The following CAP2 variants were observed in gnomAD, a reference collection of about 807,000 sequenced individuals.
CAP2 encodes the protein adenylyl cyclase-associated protein 2.
A neutral mutation model predicts 57.7 loss-of-function variants in CAP2; 24 were observed. The observed-to-expected ratio is 0.42, with a 90% CI of 0.30 to 0.58. The LOEUF is 0.58. Ranked by LOEUF, CAP2 falls within the 20% of genes least tolerant of loss-of-function variation. The pLI is 0.22. For missense variants in CAP2, 501 were observed against 590.3 expected, an observed-to-expected ratio of 0.85 and a Z score of 1.57; for synonymous variants, 194 against 207.2, an observed-to-expected ratio of 0.94 and a Z score of 0.55.
At chr6:17,492,786 T>A (rs1761575777) in intron 4 of CAP2, among the ~76,000 whole-genome samples, 1 of 152,240 alleles carries the variant, frequency 6.6e-6, no homozygotes, top group South Asian at 2.1e-4. Context: ...CACTCCTTTT[T>A]TTCATAGTAC....
chr6:17,421,473 G>A, intron 1 of CAP2, 82 bp from the exon 2 acceptor site: 3 of 1,357,692 alleles, frequency 2.2e-6, no homozygotes, highest in Non-Finnish European at 2.1e-6. Flanking sequence ...CTTCCTCCTC[G>A]CTGTTGTTGA....
intron 1 of CAP2, among the ~76,000 whole-genome samples, chr6:17,421,311 T>A (rs1430099107): frequency 6.6e-6 from 1 of 152,032 alleles, no homozygotes; most frequent in Non-Finnish European, 1.5e-5. Context: ...GATGGGTGTA[T>A]CCAAACCTCA....
intron 3 of CAP2, among the ~76,000 whole-genome samples, chr6:17,454,735 G>A (rs776855663): frequency 6.6e-6 from 1 of 152,166 alleles, no homozygotes; most frequent in African/African-American, 2.4e-5. Flanking sequence ...TTGGCTTGAC[G>A]CAATTATATC....
At chr6:17,461,759 A>C (rs1002107108) in intron 3 of CAP2, among the ~76,000 whole-genome samples, 1 of 150,858 alleles carries the variant, frequency 6.6e-6, no homozygotes, top group Admixed American at 6.6e-5. Context: ...TTGGGAGGCC[A>C]AGGTGGGCGG....
chr6:17,544,693 C>T lies in CAP2; in HGVS notation c.1209+1550C>T, dbSNP rs146991094. On this transcript the variant is annotated intron_variant, in intron 11 of 12. Transcript: ENST00000229922. ...TCAGCCCCCTGAGTAGCTGGGATTA[C>T]AGGTGACCACCACCATGGCCCAGCT... 7.4e-3 allele frequency among the ~76,000 whole-genome samples: 1,129 copies of T among 152,264 alleles called. 15 individuals carry two copies. Among genetic ancestry groups the T allele is most frequent in the African/African-American group, 0.026 (1,066 of 41,556 alleles).
At chr6:17,406,956 C>A (rs1306212202) in intron 1 of CAP2, among the ~76,000 whole-genome samples, 9 of 152,120 alleles carry the variant, frequency 5.9e-5, no homozygotes, top group African/African-American at 1.4e-4. Context: ...GAGAAAAAAA[C>A]CAGCATTTTA....
Position 17,393,603 on chromosome 6 carries a change from C to T in CAP2, c.-145C>T, listed in dbSNP as rs994219017. ...CTCCGGAAGCTGCCGGCGACTCTCC[C>T]CTGGAGCAGCGTGACTGACACCGGC... On this transcript the variant is annotated 5_prime_UTR_variant, in exon 1 of 13. Transcript: ENST00000229922. The T allele has an allele frequency of 6.6e-6, 1 of 152,284 alleles. No homozygotes were observed. Among genetic ancestry groups the T allele is most frequent in the African/African-American group, 2.4e-5 (1 of 41,440 alleles). The allele number at this position is 152,284 out of a possible 1,614,324, so 9.4% of individuals were successfully genotyped here. A position where few individuals can be genotyped will look rare whatever the true frequency, so the allele number is the denominator to read the frequency against.
intron 7 of CAP2, among the ~76,000 whole-genome samples, chr6:17,527,276 G>A (rs1762533690): frequency 6.6e-6 from 1 of 152,046 alleles, no homozygotes; most frequent in South Asian, 2.1e-4. Flanking sequence ...GCTAATTCAA[G>A]CCACATGTCC....
intron 3 of CAP2, among the ~76,000 whole-genome samples, chr6:17,440,833 A>G (rs1432708837): frequency 1.3e-5 from 2 of 150,636 alleles, no homozygotes; most frequent in African/African-American, 4.9e-5. Context: ...CCCCCACCCC[A>G]TGACAGGCCC....
At chr6:17,477,406 G>A (rs915827675) in intron 4 of CAP2, among the ~76,000 whole-genome samples, 1 of 152,160 alleles carries the variant, frequency 6.6e-6, no homozygotes, top group African/African-American at 2.4e-5. Flanking sequence ...TTGACTATCT[G>A]TGTCCAGTGC....
intron 4 of CAP2, among the ~76,000 whole-genome samples, chr6:17,482,207 A>G (rs1025358786): frequency 6.6e-6 from 1 of 152,190 alleles, no homozygotes; most frequent in African/African-American, 2.4e-5. Context: ...ACAGAAGCCT[A>G]TTCTTTCATA....
intron 11 of CAP2, among the ~76,000 whole-genome samples, chr6:17,548,054 T>C (rs891161552): frequency 6.6e-6 from 1 of 151,924 alleles, no homozygotes; most frequent in Non-Finnish European, 1.5e-5. Flanking sequence ...CATTTCTTTC[T>C]ACCACAAATA....
chr6:17,471,211 C>A (rs1761009970), intron 4 of CAP2, among the ~76,000 whole-genome samples: 1 of 152,136 alleles, frequency 6.6e-6, no homozygotes. Flanking sequence ...TAAGTCCATG[C>A]CCAGAAAATG....
chr6:17,486,815 T>G (rs1328420839), intron 4 of CAP2, among the ~76,000 whole-genome samples: 1 of 152,230 alleles, frequency 6.6e-6, no homozygotes, highest in Middle Eastern at 3.2e-3. Flanking sequence ...TCCAGTAAGA[T>G]GTGCTGGAAC....
At chr6:17,520,456 C>T (rs1164294688) in intron 7 of CAP2, among the ~76,000 whole-genome samples, 1 of 152,048 alleles carries the variant, frequency 6.6e-6, no homozygotes, top group African/African-American at 2.4e-5. Context: ...AAAATCCATC[C>T]TATACACTAT....
Position 17,556,671 on chromosome 6 carries a change from C to A in CAP2, c.*229C>A. 1 of 495,832 alleles carries A rather than the reference C, an allele frequency of 2.0e-6. No homozygotes were observed. The allele number at this position is 495,832 out of a possible 1,614,324, so 30.7% of individuals were successfully genotyped here. On this transcript the variant is annotated 3_prime_UTR_variant, in exon 13 of 13. Coordinates refer to ENST00000229922, the MANE Select transcript of CAP2 (RefSeq NM_006366.3). The stretch of plus-strand genomic sequence containing the variant: ...GTGTGATTTTAGTTCCACATGATGA[C>A]TTGTGAACATTAGGGATTTAAAGGA...
chr6:17,535,274 CTTT>C (rs67286428), intron 7 of CAP2, among the ~76,000 whole-genome samples: 2 of 138,774 alleles, frequency 1.4e-5, no homozygotes, highest in Non-Finnish European at 3.1e-5. Context: ...TGGCTAATGA[CTTT>C]TTTTTTTTTT....
chr6:17,479,119 G>A (rs779055359), intron 4 of CAP2, among the ~76,000 whole-genome samples: 3 of 152,120 alleles, frequency 2.0e-5, no homozygotes, highest in Admixed American at 6.5e-5. Context: ...CCCACTGTAC[G>A]TCTCCAGCTG....
At chr6:17,536,358 C>T (rs919858861) in intron 7 of CAP2, 2 of 451,246 alleles carry the variant, frequency 4.4e-6, no homozygotes, top group African/African-American at 2.0e-5. Flanking sequence ...CACCTGAATG[C>T]TAATTGAAAA....
Sources: allele counts gnomAD v4.1 joint callset (sites outside exome capture counted in the v4.1 genomes callset), GRCh38; gene constraint gnomAD v4.1.1; transcripts MANE v1.5; gene names NCBI Gene and HGNC (gene_info 2026-07-23, HGNC 2026-07-21).